Variants in SIN3B observed in about 807,000 individuals in gnomAD.
SIN3B encodes the protein SIN3 transcription regulator family member B.
A neutral mutation model predicts 120.2 loss-of-function variants in SIN3B; 19 were observed. That is an observed-to-expected ratio of 0.16 (90% CI 0.11 to 0.23). The LOEUF is 0.23. SIN3B is among the 10% of genes least tolerant of loss of function. SIN3B has a pLI of 1.00. For synonymous variants in SIN3B, 654 were observed against 653.2 expected, an observed-to-expected ratio of 1.00 and a Z score of -0.02; for missense variants, 1,073 against 1,573.0, an observed-to-expected ratio of 0.68 and a Z score of 5.38.
Position 16,876,681 on chromosome 19 carries a change from AC to A in SIN3B, c.2859+106del. On this transcript the variant is annotated intron_variant, in intron 16 of 18. Transcript: ENST00000248054. This position sits in a 1 kb window ranked among gnomAD's most constrained non-coding sequence, Gnocchi z 7.1. ...AGCGCAGGCCGCGCAGCATCCAGAG[AC>A]CCTCCCTCTGCAGGCCACAGGCTCT... The A allele has an allele frequency of 1.1e-6, 1 of 875,048 alleles. No individual in the cohort carries two copies. The highest frequency in any genetic ancestry group is 1.7e-5 in the South Asian group (1 of 60,060). The allele number at this position is 875,048 out of a possible 1,614,324, so 54.2% of individuals were successfully genotyped here. A position where few individuals can be genotyped will look rare whatever the true frequency, so the allele number is the denominator to read the frequency against.
intron 3 of SIN3B, among the ~76,000 whole-genome samples, chr19:16,840,242 T>C (rs1171904035): frequency 6.6e-6 from 1 of 151,718 alleles, no homozygotes; most frequent in Non-Finnish European, 1.5e-5. Flanking sequence ...TTTGAAGAGG[T>C]GATTTAACTG....
chr19:16,867,833 C>T (rs1244157675), intron 12 of SIN3B, among the ~76,000 whole-genome samples: 2 of 152,154 alleles, frequency 1.3e-5, no homozygotes, highest in Admixed American at 6.5e-5. Flanking sequence ...CACCCACAAC[C>T]ACTCTGGCTT....
intron 14 of SIN3B, among the ~76,000 whole-genome samples, chr19:16,875,225 CTGGTCTGGTCTGGTCTGTT>C (rs2051576274): frequency 8.3e-6 from 1 of 120,970 alleles, no homozygotes; most frequent in Non-Finnish European, 1.6e-5. Context: ...CTGGTTTGGT[CTGGTCTGGTCTGGTCTGTT>C]TGGTCTGGTC....
intron 4 of SIN3B, among the ~76,000 whole-genome samples, chr19:16,845,380 C>G (rs1181293153): frequency 6.6e-6 from 1 of 152,184 alleles, no homozygotes; most frequent in Non-Finnish European, 1.5e-5. Context: ...TCAAGCAATT[C>G]TCCTGCTTCA....
At chr19:16,837,716 AC>A (rs997965421) in intron 3 of SIN3B, among the ~76,000 whole-genome samples, 27 of 152,238 alleles carry the variant, frequency 1.8e-4, no homozygotes, top group Admixed American at 1.5e-3. Context: ...GGTGACAAGG[AC>A]CAGAGGGGGT....
intron 8 of SIN3B, among the ~76,000 whole-genome samples, chr19:16,859,529 C>G (rs1003859126): frequency 6.6e-6 from 1 of 152,202 alleles, no homozygotes; most frequent in Non-Finnish European, 1.5e-5. Context: ...CTGAGCCCAT[C>G]AGAAGGCCTT....
At chr19:16,872,156 C>T (rs1189227976) in intron 14 of SIN3B, among the ~76,000 whole-genome samples, 4 of 152,012 alleles carry the variant, frequency 2.6e-5, no homozygotes, top group Non-Finnish European at 5.9e-5. Context: ...ACCTCCATTT[C>T]CTGGTCACCA....
At chr19:16,869,019 C>G (rs112387364) in intron 12 of SIN3B, among the ~76,000 whole-genome samples, 1,689 of 152,206 alleles carry the variant, frequency 0.011, 16 homozygotes, top group Non-Finnish European at 0.017. Flanking sequence ...TGGGCAGCCC[C>G]GGTCGAGCTG....
rs1268208812 is a variant in SIN3B at position 16,862,993 on chromosome 19, G to A, written c.1266+434G>A. The A allele has an allele frequency of 1.5e-5, 24 of 1,592,478 alleles. No individual in the cohort carries two copies. The highest frequency in any genetic ancestry group is 1.9e-5 in the Non-Finnish European group (22 of 1,160,412). ...TATAGTGCAGGGGTCAGCAAACTCT[G>A]GCCCACGGGCCCTGGCCCGCTGCCC... On this transcript the variant is annotated intron_variant, in intron 9 of 18. Coordinates refer to ENST00000248054, the MANE Select transcript of SIN3B (RefSeq NM_001297595.2). The surrounding 1 kb of genome is among the most constrained non-coding windows in gnomAD (Gnocchi z 4.7).
intron 5 of SIN3B, among the ~76,000 whole-genome samples, chr19:16,848,331 G>C (rs1288415715): frequency 6.7e-6 from 1 of 149,602 alleles, no homozygotes; most frequent in African/African-American, 2.5e-5. Flanking sequence ...CCTCTAAACT[G>C]TTTTCTACAG....
intron 8 of SIN3B, among the ~76,000 whole-genome samples, chr19:16,857,547 G>GTATA (rs1442387905): frequency 2.1e-5 from 3 of 144,272 alleles, no homozygotes; most frequent in African/African-American, 7.9e-5. Context: ...GTGTGTGTGT[G>GTATA]TGTGTGTATA....
At chr19:16,843,332 C>A (rs1971441736) in intron 4 of SIN3B, among the ~76,000 whole-genome samples, 1 of 152,210 alleles carries the variant, frequency 6.6e-6, no homozygotes, top group Admixed American at 6.5e-5. Flanking sequence ...AAGCGGGATT[C>A]TTTTCAGCAT....
chr19:16,878,836 C>A lies in SIN3B; in HGVS notation c.*109C>A. 1 of 992,902 alleles carries A rather than the reference C, an allele frequency of 1.0e-6. No homozygotes were observed. Among genetic ancestry groups the A allele is most frequent in the Non-Finnish European group, 1.5e-6 (1 of 680,252 alleles). The allele number at this position is 992,902 out of a possible 1,614,324, so 61.5% of individuals were successfully genotyped here. A position where few individuals can be genotyped will look rare whatever the true frequency, so the allele number is the denominator to read the frequency against. On this transcript the variant is annotated 3_prime_UTR_variant, in exon 19 of 19. Transcript: ENST00000248054. ...ACGACGTGAGAGGCATCTCCCAGCC[C>A]CTCTGCTGCCGGACAGCGCACTCCA...
At position 16,862,990 on chromosome 19, in the gene SIN3B, T is replaced by C; in HGVS notation, c.1266+431T>C. The C allele has an allele frequency of 6.2e-7, 1 of 1,604,156 alleles. No individual in the cohort carries two copies. Among genetic ancestry groups the C allele is most frequent in the Non-Finnish European group, 8.5e-7 (1 of 1,170,966 alleles). ...GGATATAGTGCAGGGGTCAGCAAAC[T>C]CTGGCCCACGGGCCCTGGCCCGCTG... On this transcript the variant is annotated intron_variant, in intron 9 of 18. Coordinates refer to ENST00000248054, the MANE Select transcript of SIN3B (RefSeq NM_001297595.2). This position sits in a 1 kb window ranked among gnomAD's most constrained non-coding sequence, Gnocchi z 4.7.
chr19:16,830,581 G>A (rs777545583), intron 2 of SIN3B, among the ~76,000 whole-genome samples: 2 of 152,196 alleles, frequency 1.3e-5, no homozygotes, highest in Admixed American at 6.5e-5. Flanking sequence ...CTCTGACTCA[G>A]ATTCTTGGAA....
chr19:16,875,774 T>TTGGTC (rs546838576), intron 14 of SIN3B, among the ~76,000 whole-genome samples: 2,494 of 147,974 alleles, frequency 0.017, 31 homozygotes, highest in African/African-American at 0.027. Context: ...TCTGGTCTGT[T>TTGGTC]TGGTCTGGTC....
intron 14 of SIN3B, among the ~76,000 whole-genome samples, chr19:16,875,630 C>CTGGTCTGGTCTGTT (rs1482376749): frequency 7.3e-6 from 1 of 137,030 alleles, no homozygotes; most frequent in African/African-American, 2.8e-5. Context: ...TGGGTCTGGT[C>CTGGTCTGGTCTGTT]TGGTCTGGTC....
At position 16,829,553 on chromosome 19, in the gene SIN3B, C is replaced by G; in HGVS notation, c.120+13C>G. 8.1e-7 allele frequency: 1 copy of G among 1,240,218 alleles called. No individual in the cohort carries two copies. The highest frequency in any genetic ancestry group is 1.0e-6 in the Non-Finnish European group (1 of 991,362). 76.8% of individuals were successfully genotyped at this position (1,240,218 alleles called of 1,614,324 possible). ...GCTGCCGGTGCACGTGAGTGGCGTC[C>G]CCGCCCTCCCTCGGGGAACCCATCT... On this transcript the variant is annotated intron_variant, in intron 1 of 18. Transcript: ENST00000248054.
Position 16,878,611 on chromosome 19 carries a change from G to A in SIN3B, c.3277G>A (p.Gly1093Ser). Residue 1093 changes from glycine (G) to serine (S), a missense_variant, in exon 19 of 19, where the codon GGT becomes AGT. Gly to Ser is a moderately conservative substitution (Grantham distance 56, BLOSUM62 0). Transcript: ENST00000248054. ...AASLVQDWLMGEEDEDMVPCK... is the reference protein window; with the variant it reads ...AASLVQDWLMSEEDEDMVPCK... ...TAGCCTGGTGCAGGACTGGCTGATG[G>A]GTGAGGAGGACGAGGACATGGTACC... 6.2e-7 allele frequency: 1 copy of A among 1,613,062 alleles called. No homozygotes were observed. The highest frequency in any genetic ancestry group is 1.3e-5 in the African/African-American group (1 of 75,040).
Sources: allele counts gnomAD v4.1 joint callset (sites outside exome capture counted in the v4.1 genomes callset), GRCh38; gene constraint gnomAD v4.1.1; non-coding constraint Gnocchi (gnomAD v3.1); transcripts MANE v1.5; gene names NCBI Gene and HGNC (gene_info 2026-07-23, HGNC 2026-07-21).